Variants in OR3A2 observed in about 807,000 individuals in gnomAD.
OR3A2 encodes the protein olfactory receptor family 3 subfamily A member 2, also known as olfactory receptor 3A2.
For missense variants in OR3A2, 318 were observed against 392.8 expected, an observed-to-expected ratio of 0.81 and a Z score of 1.61; for synonymous variants, 126 against 159.3, an observed-to-expected ratio of 0.79 and a Z score of 1.57.
intron 2 of OR3A2, among the ~76,000 whole-genome samples, chr17:3,341,076 T>A (rs1400801330): frequency 6.6e-6 from 1 of 152,178 alleles, no homozygotes; most frequent in Non-Finnish European, 1.5e-5. Context: ...TATCAGAGAC[T>A]AGAATTGCAA....
intron 2 of OR3A2, among the ~76,000 whole-genome samples, chr17:3,355,285 A>C (rs965812522): frequency 1.3e-5 from 2 of 151,486 alleles, no homozygotes; most frequent in African/African-American, 4.9e-5. Flanking sequence ...CCTTTGGATG[A>C]AATGTTCTGT....
intron 3 of OR3A2, among the ~76,000 whole-genome samples, chr17:3,307,886 C>T (rs2150629289): frequency 6.6e-6 from 1 of 152,258 alleles, no homozygotes; most frequent in African/African-American, 2.4e-5. Context: ...GTCACTGCTC[C>T]TCTCCTCTCC....
intron 2 of OR3A2, among the ~76,000 whole-genome samples, chr17:3,355,083 A>T (rs985542082): frequency 6.6e-6 from 1 of 151,352 alleles, no homozygotes; most frequent in South Asian, 2.1e-4. Flanking sequence ...TTCTTATTAT[A>T]GTTCCATATA....
At chr17:3,360,013 T>A (rs1471741654) in intron 2 of OR3A2, among the ~76,000 whole-genome samples, 3 of 151,876 alleles carry the variant, frequency 2.0e-5, no homozygotes, top group Non-Finnish European at 4.4e-5. Context: ...TCCACAATGG[T>A]TGAACTAGTT....
intron 3 of OR3A2, among the ~76,000 whole-genome samples, chr17:3,330,257 T>A (rs2049218443): frequency 6.6e-6 from 1 of 151,552 alleles, no homozygotes; most frequent in South Asian, 2.1e-4. Flanking sequence ...GTTCAATTCC[T>A]GGGTATCCTT....
At chr17:3,371,865 C>T (rs1295324642) in intron 2 of OR3A2, among the ~76,000 whole-genome samples, 3 of 131,996 alleles carry the variant, frequency 2.3e-5, no homozygotes, top group Admixed American at 7.5e-5. Flanking sequence ...GGCGGCTGGC[C>T]GGGAGGGGAG....
rs1300388758 is a variant in OR3A2 at position 3,386,074 on chromosome 17, G to C, written c.-275+51C>G. On this transcript the variant is annotated intron_variant, in intron 1 of 4. Transcript: ENST00000573491. ...GAGCAACCTGAGCATGGTGGCGCTG[G>C]TGAGATCCGACGGGGCCCTCCGCTC... is the stretch of plus-strand genomic sequence containing the variant. The C allele has an allele frequency of 1.0e-5, 4 of 398,688 alleles. No individual in the cohort carries two copies. The Admixed American group carries it at 1.3e-4, about 13-fold the overall frequency. The allele number at this position is 398,688 out of a possible 1,614,324, so 24.7% of individuals were successfully genotyped here. A position where few individuals can be genotyped will look rare whatever the true frequency, so the allele number is the denominator to read the frequency against.
intron 3 of OR3A2, chr17:3,298,298 C>T (rs1296057255): frequency 6.6e-6 from 1 of 152,192 alleles, no homozygotes; most frequent in Non-Finnish European, 1.5e-5. Flanking sequence ...TTACCACTCT[C>T]AGGCATCCAG....
intron 1 of OR3A2, among the ~76,000 whole-genome samples, chr17:3,283,551 G>A (rs2048790174): frequency 6.6e-6 from 1 of 152,146 alleles, no homozygotes; most frequent in Non-Finnish European, 1.5e-5. Flanking sequence ...TAAATAAATG[G>A]ATGGTTAAAA....
chr17:3,356,838 A>C lies in OR3A2; in HGVS notation c.-178-20712T>G, dbSNP rs927111987. On this transcript the variant is annotated intron_variant, in intron 2 of 4. Coordinates refer to the OR3A2 transcript ENST00000573491. Reference sequence around the variant, plus strand: ...ATTCTCCAACTGTCTCATCTTTCTAAACAATAAAAAACATGGCTAAGTACT... The same window carrying C: ...ATTCTCCAACTGTCTCATCTTTCTACACAATAAAAAACATGGCTAAGTACT... Among the ~76,000 whole-genome samples, 10 of 151,666 alleles carry C rather than the reference A, an allele frequency of 6.6e-5. No homozygotes were observed. In the East Asian group the frequency reaches 1.9e-3, roughly 29 times the overall value.
intron 3 of OR3A2, among the ~76,000 whole-genome samples, chr17:3,301,446 T>C (rs913923629): frequency 6.6e-6 from 1 of 152,196 alleles, no homozygotes; most frequent in South Asian, 2.1e-4. Flanking sequence ...TGGCCAGTGA[T>C]GATGAGCATT....
chr17:3,350,198 G>A (rs1222694095), intron 2 of OR3A2, among the ~76,000 whole-genome samples: 1 of 151,900 alleles, frequency 6.6e-6, no homozygotes, highest in Non-Finnish European at 1.5e-5. Context: ...AGAACTGAAG[G>A]AAATAGAGAC....
intron 2 of OR3A2, among the ~76,000 whole-genome samples, chr17:3,361,623 G>A (rs1054933977): frequency 6.6e-6 from 1 of 151,680 alleles, no homozygotes; most frequent in Non-Finnish European, 1.5e-5. Flanking sequence ...TTTTTAGCAT[G>A]AAAGGTTGTT....
chr17:3,292,531 G>A lies in OR3A2; in HGVS notation c.-84-13378C>T, dbSNP rs778932658. On this transcript the variant is annotated intron_variant, in intron 3 of 4. Coordinates refer to the OR3A2 transcript ENST00000573491. The stretch of plus-strand genomic sequence containing the variant: ...AGCCCTGGCGCCTCCAGCAAGCCCA[G>A]CAGGATGAACTCAGCAATGACTGTT... The A allele has an allele frequency of 4.3e-6, 7 of 1,614,060 alleles. No individual in the cohort carries two copies. In the Admixed American group the frequency reaches 1.2e-4, roughly 27 times the overall value.
At chr17:3,303,853 C>T (rs1259361381) in intron 3 of OR3A2, among the ~76,000 whole-genome samples, 1 of 150,290 alleles carries the variant, frequency 6.7e-6, no homozygotes, top group Non-Finnish European at 1.5e-5. Context: ...GATCATGGCA[C>T]TGCACTCCAG....
intron 3 of OR3A2, chr17:3,292,423 C>A: frequency 6.2e-7 from 1 of 1,613,980 alleles, no homozygotes; most frequent in Middle Eastern, 1.6e-4. Context: ...TTGGGCTCCA[C>A]CAAGACAGCT....
chr17:3,317,308 G>C (rs1015922477), intron 3 of OR3A2, among the ~76,000 whole-genome samples: 2 of 152,196 alleles, frequency 1.3e-5, no homozygotes, highest in African/African-American at 4.8e-5. Context: ...CTCTCTTTTA[G>C]ACTATGGTTG....
chr17:3,279,567 G>T (rs113945869), intron 1 of OR3A2, among the ~76,000 whole-genome samples: 1 of 152,216 alleles, frequency 6.6e-6, no homozygotes, highest in Non-Finnish European at 1.5e-5. Context: ...GCCAAGGCGG[G>T]TGCATCATCT....
intron 2 of OR3A2, among the ~76,000 whole-genome samples, chr17:3,371,984 A>C (rs2150665010): frequency 7.0e-6 from 1 of 142,302 alleles, no homozygotes; most frequent in African/African-American, 2.7e-5. Context: ...CTCACTTCCC[A>C]GACGGGGTGG....
Sources: allele counts gnomAD v4.1 joint callset (sites outside exome capture counted in the v4.1 genomes callset), GRCh38; gene constraint gnomAD v4.1.1; transcripts MANE v1.5; gene names NCBI Gene and HGNC (gene_info 2026-07-23, HGNC 2026-07-21).